GAB1: variants seen among roughly 807,000 people sequenced by gnomAD.
GAB1 encodes the protein GRB2 associated binding protein 1.
Under a neutral mutation model 66.5 loss-of-function variants are expected in GAB1, and 19 were observed. The ratio of observed to expected loss-of-function variants is 0.29; its 90% CI spans 0.20 to 0.42. The LOEUF (loss-of-function observed/expected upper bound fraction) is 0.42, where lower values mean the gene tolerates loss of function less well. GAB1 is among the 10% of genes least tolerant of loss of function. The pLI is 1.00. For synonymous variants in GAB1, 294 were observed against 301.4 expected (o/e 0.98, Z 0.25); for missense variants, 732 against 858.5 (o/e 0.85, Z 1.84).
intron 1 of GAB1, among the ~76,000 whole-genome samples, chr4:143,371,692 T>G (rs1308894197): frequency 6.6e-6 from 1 of 152,222 alleles, no homozygotes; most frequent in Non-Finnish European, 1.5e-5. Context: ...GGTCTAACAT[T>G]TAAGTCTTTA....
chr4:143,375,687 C>T (rs11730569), intron 1 of GAB1, among the ~76,000 whole-genome samples: 48,211 of 152,090 alleles, frequency 0.32, 7,931 homozygotes, highest in South Asian at 0.49. Flanking sequence ...TGCAGTTTTC[C>T]GAATATGACA....
chr4:143,440,188 C>T lies in GAB1; in HGVS notation c.1391C>T (p.Thr464Ile). Residue 464 changes from threonine (T) to isoleucine (I), a missense_variant, in exon 6 of 10, where the codon ACA (threonine) becomes ATA (isoleucine). Around this residue, in one of 4 missense-constraint regions of GAB1, gnomAD observed 427 missense variants for 420.6 expected, o/e 1.02. Coordinates refer to ENST00000262994, the MANE Select transcript of GAB1 (RefSeq NM_002039.4). Reference sequence around the variant, plus strand: ...CCACGACAACATTCCAGCAGTTTTACAGAACCAATTCAGGAAGCAAATTAT... The same window carrying T: ...CCACGACAACATTCCAGCAGTTTTATAGAACCAATTCAGGAAGCAAATTAT... ...SPPRQHSSSF[T>I]EPIQEANYVP... The T allele has an allele frequency of 6.2e-7, 1 of 1,614,166 alleles. No individual in the cohort carries two copies. The highest frequency in any genetic ancestry group is 8.5e-7 in the Non-Finnish European group (1 of 1,180,012).
chr4:143,422,104 T>TA (rs1733062519), intron 2 of GAB1, among the ~76,000 whole-genome samples: 1 of 152,146 alleles, frequency 6.6e-6, no homozygotes, highest in African/African-American at 2.4e-5. Context: ...TGTTCTTCCA[T>TA]AAAAAACGGT....
intron 1 of GAB1, among the ~76,000 whole-genome samples, chr4:143,345,699 C>A (rs1728964073): frequency 6.6e-6 from 1 of 152,176 alleles, no homozygotes; most frequent in Non-Finnish European, 1.5e-5. Context: ...GGCAAAATGT[C>A]AAATAATACC....
At position 143,471,597 on chromosome 4, in the gene GAB1, C is replaced by T. The variant is rs28924087; in HGVS notation, c.*2408C>T. ...TGAATAACACAAATGTGGAGTTATACATAGTTGATGAAACCAGCAGCCAAT... is the reference window on the plus strand; with the variant it reads ...TGAATAACACAAATGTGGAGTTATATATAGTTGATGAAACCAGCAGCCAAT... On this transcript the variant is annotated 3_prime_UTR_variant, in exon 10 of 10. Coordinates refer to ENST00000262994, the MANE Select transcript of GAB1 (RefSeq NM_002039.4). 821 of 152,220 alleles carry T rather than the reference C, an allele frequency of 5.4e-3. 3 individuals carry two copies. Among genetic ancestry groups the T allele is most frequent in the African/African-American group, 0.019 (781 of 41,556 alleles). 9.4% of individuals were successfully genotyped at this position (152,220 alleles called of 1,614,324 possible).
chr4:143,387,649 G>A (rs1270909111), intron 1 of GAB1, among the ~76,000 whole-genome samples: 2 of 152,162 alleles, frequency 1.3e-5, no homozygotes, highest in African/African-American at 4.8e-5. Flanking sequence ...CACCCCTGTA[G>A]GTCAGACTCT....
intron 1 of GAB1, among the ~76,000 whole-genome samples, chr4:143,371,900 G>A (rs6537155): frequency 0.51 from 76,914 of 151,960 alleles, 20,385 homozygotes; most frequent in African/African-American, 0.66. Flanking sequence ...TACAGAACTC[G>A]TTTTTATGAA....
At chr4:143,468,587 T>C (rs978570150) in intron 9 of GAB1, among the ~76,000 whole-genome samples, 1 of 152,032 alleles carries the variant, frequency 6.6e-6, no homozygotes, top group African/African-American at 2.4e-5. Context: ...ATTTTTAAGT[T>C]GAGGTAGTTG....
chr4:143,392,924 C>T (rs925847320), intron 1 of GAB1, among the ~76,000 whole-genome samples: 1 of 152,180 alleles, frequency 6.6e-6, no homozygotes, highest in Middle Eastern at 3.4e-3. Context: ...GAGATTTTTA[C>T]TTTCTATTAG....
In GAB1 at chr4:143,361,412, T is replaced by C. The variant is rs563337034; in HGVS notation, c.72+24152T>C. Reference sequence around the variant, plus strand: ...TGTTTTGTTTGCTCTGCAGATCTTATAGTGGCCTTTGACCAAAGGCAATGA... The same window carrying C: ...TGTTTTGTTTGCTCTGCAGATCTTACAGTGGCCTTTGACCAAAGGCAATGA... On this transcript the variant is annotated intron_variant, in intron 1 of 9. Coordinates refer to ENST00000262994, the MANE Select transcript of GAB1 (RefSeq NM_002039.4). 4.6e-5 allele frequency among the ~76,000 whole-genome samples: 7 copies of C among 152,310 alleles called. No individual in the cohort carries two copies. The South Asian group carries it at 1.2e-3, about 27-fold the overall frequency.
At chr4:143,431,199 A>G (rs1180068832) in intron 2 of GAB1, among the ~76,000 whole-genome samples, 1 of 152,236 alleles carries the variant, frequency 6.6e-6, no homozygotes, top group Non-Finnish European at 1.5e-5. Flanking sequence ...AGACAGGATT[A>G]GGAAAACATG....
chr4:143,418,313 G>T (rs185769616), intron 2 of GAB1, among the ~76,000 whole-genome samples: 1 of 152,182 alleles, frequency 6.6e-6, no homozygotes, highest in Admixed American at 6.5e-5. Context: ...GGGCATGGGG[G>T]TGCTACTTCT....
chr4:143,438,593 G>A lies in GAB1; in HGVS notation c.1188G>A (p.Leu396=), dbSNP rs1251324093. The A allele has an allele frequency of 6.2e-7, 1 of 1,612,342 alleles. No homozygotes were observed. Among genetic ancestry groups the A allele is most frequent in the Non-Finnish European group, 8.5e-7 (1 of 1,179,066 alleles). Residue 396 remains leucine (L), a synonymous_variant, in exon 4 of 10, where the codon TTG becomes TTA. Transcript: ENST00000262994. ...NTISTVDLNK[L]RKDASSQDCY... ...TTTCCACTGTGGATTTAAACAAATT[G>A]CGAAAAGGTCAGCTCTAGTTGACTT...
At chr4:143,413,625 A>G (rs569639612) in intron 1 of GAB1, among the ~76,000 whole-genome samples, 10 of 152,102 alleles carry the variant, frequency 6.6e-5, no homozygotes, top group Non-Finnish European at 1.5e-4. Context: ...CTCTGCAGAC[A>G]TTTTGCCTGG....
intron 1 of GAB1, among the ~76,000 whole-genome samples, chr4:143,393,374 G>A (rs1057391030): frequency 2.0e-5 from 3 of 152,104 alleles, no homozygotes; most frequent in African/African-American, 7.2e-5. Context: ...AAGTGGTTAA[G>A]GGCACAGGCT....
intron 1 of GAB1, among the ~76,000 whole-genome samples, chr4:143,345,958 C>T (rs915017618): frequency 6.6e-6 from 1 of 152,180 alleles, no homozygotes; most frequent in African/African-American, 2.4e-5. Context: ...GAACTCCTGG[C>T]CCCAAGTGAT....
chr4:143,409,402 G>T (rs1732245666), intron 1 of GAB1, among the ~76,000 whole-genome samples: 4 of 142,790 alleles, frequency 2.8e-5, no homozygotes, highest in African/African-American at 8.1e-5. Flanking sequence ...CCCCCGCTCT[G>T]AAATCTTTTC....
intron 1 of GAB1, among the ~76,000 whole-genome samples, chr4:143,356,278 A>C (rs1232385939): frequency 6.6e-6 from 1 of 152,194 alleles, no homozygotes; most frequent in African/African-American, 2.4e-5. Context: ...AGATAAAATA[A>C]CTGAGTTCTA....
At chr4:143,351,062 G>T (rs535181533) in intron 1 of GAB1, among the ~76,000 whole-genome samples, 5 of 152,180 alleles carry the variant, frequency 3.3e-5, no homozygotes, top group Non-Finnish European at 7.3e-5. Flanking sequence ...AGTGTCTAGG[G>T]GTGAAAGTTT....
Sources: gnomAD v4.1 joint callset for allele counts (sites outside exome capture counted in the v4.1 genomes callset) on GRCh38, gnomAD v4.1.1 for gene constraint, gnomAD v4.1.1 regional missense constraint, MANE v1.5 for transcripts, NCBI Gene and HGNC (gene_info 2026-07-23, HGNC 2026-07-21) for gene names.